BBS9: variants seen among roughly 807,000 people sequenced by gnomAD.
BBS9 encodes the protein protein PTHB1.
A neutral mutation model predicts 117.7 loss-of-function variants in BBS9; 89 were observed. The ratio of observed to expected loss-of-function variants is 0.76; its 90% CI spans 0.64 to 0.90. The LOEUF is 0.90. Among genes scored for constraint, BBS9 ranks in the 40% least tolerant of loss-of-function variants. The pLI is 0.00. For missense variants in BBS9, 982 were observed against 1,042.2 expected (o/e 0.94, Z 0.80); for synonymous variants, 379 against 370.9 (o/e 1.02, Z -0.25).
chr7:33,597,344 G>A (rs1344541354), intron 21 of BBS9, among the ~76,000 whole-genome samples: 1 of 152,074 alleles, frequency 6.6e-6, no homozygotes. Context: ...TTAATTCTTA[G>A]TGGCAATTCA....
chr7:33,385,050 C>A (rs916844582), intron 18 of BBS9, among the ~76,000 whole-genome samples: 1 of 152,054 alleles, frequency 6.6e-6, no homozygotes, highest in African/African-American at 2.4e-5. Context: ...GAAATTCTTG[C>A]TTCGCTGTTG....
At chr7:33,203,352 G>A (rs1450101835) in intron 5 of BBS9, among the ~76,000 whole-genome samples, 1 of 152,118 alleles carries the variant, frequency 6.6e-6, no homozygotes, top group Non-Finnish European at 1.5e-5. Context: ...AGTAGGAGTG[G>A]CATGAGGCCC....
intron 20 of BBS9, among the ~76,000 whole-genome samples, chr7:33,515,024 G>A (rs531406954): frequency 3.9e-4 from 59 of 152,212 alleles, no homozygotes; most frequent in African/African-American, 1.3e-3. Flanking sequence ...TGCCTGGCAT[G>A]TGACAGGCAT....
At chr7:33,368,743 A>G (rs557053534) in intron 17 of BBS9, among the ~76,000 whole-genome samples, 2 of 152,214 alleles carry the variant, frequency 1.3e-5, no homozygotes, top group African/African-American at 4.8e-5. Flanking sequence ...TTTTCTAATA[A>G]TAAGAGTACA....
chr7:33,162,738 A>G (rs909694239), intron 4 of BBS9, among the ~76,000 whole-genome samples: 12 of 152,106 alleles, frequency 7.9e-5, no homozygotes, highest in African/African-American at 2.7e-4. Flanking sequence ...GGCTGAGACG[A>G]TGGGGTTTTC....
intron 5 of BBS9, among the ~76,000 whole-genome samples, chr7:33,243,647 CTT>C (rs1583841615): frequency 6.6e-6 from 1 of 152,100 alleles, no homozygotes; most frequent in African/African-American, 2.4e-5. Flanking sequence ...AAGAGAAAAA[CTT>C]TTTGTGTTTG....
chr7:33,354,285 CA>C (rs1361218554), intron 15 of BBS9, among the ~76,000 whole-genome samples: 1 of 152,138 alleles, frequency 6.6e-6, no homozygotes, highest in African/African-American at 2.4e-5. Flanking sequence ...CTTCATATTT[CA>C]AAGACTGATC....
chr7:33,591,205 A>G (rs537028545), intron 21 of BBS9, among the ~76,000 whole-genome samples: 2 of 152,128 alleles, frequency 1.3e-5, no homozygotes, highest in East Asian at 1.9e-4. Context: ...TTTTAAGTCA[A>G]CAAGTAAATA....
At chr7:33,267,824 TC>T (rs1350014956) in intron 7 of BBS9, among the ~76,000 whole-genome samples, 2 of 152,218 alleles carry the variant, frequency 1.3e-5, no homozygotes, top group African/African-American at 4.8e-5. Context: ...TTTGTATAAT[TC>T]CATCTTTCCA....
chr7:33,579,290 G>T (rs747020758), intron 21 of BBS9, among the ~76,000 whole-genome samples: 5 of 152,114 alleles, frequency 3.3e-5, no homozygotes, highest in African/African-American at 7.2e-5. Context: ...CAGTACAGAA[G>T]ACCCTATTCT....
At chr7:33,179,934 T>C (rs1797862536) in intron 5 of BBS9, among the ~76,000 whole-genome samples, 1 of 152,198 alleles carries the variant, frequency 6.6e-6, no homozygotes, top group South Asian at 2.1e-4. Context: ...TGTCCTTCAT[T>C]TTAAAGCTTA....
intron 19 of BBS9, among the ~76,000 whole-genome samples, chr7:33,420,661 C>G (rs1264609735): frequency 1.3e-5 from 2 of 151,906 alleles, no homozygotes; most frequent in Non-Finnish European, 2.9e-5. Flanking sequence ...GCTTTTTTTT[C>G]TTGGAAAAGA....
At chr7:33,353,008 G>T in intron 15 of BBS9, 135 bp downstream of exon 15, 2 of 883,658 alleles carry the variant, frequency 2.3e-6, no homozygotes, top group South Asian at 3.1e-5. Flanking sequence ...GGATGATACA[G>T]TGCCTTGATT....
At chr7:33,545,109 A>G (rs1407252543) in intron 21 of BBS9, among the ~76,000 whole-genome samples, 1 of 152,086 alleles carries the variant, frequency 6.6e-6, no homozygotes, top group African/African-American at 2.4e-5. Flanking sequence ...AATTTGCCTG[A>G]GACTATCCAC....
chr7:33,344,772 G>C (rs984187898), intron 12 of BBS9, 138 bp downstream of exon 12: 2 of 871,952 alleles, frequency 2.3e-6, no homozygotes, highest in African/African-American at 3.3e-5. Context: ...CCCCAGCCTT[G>C]AGTAGTGAAT....
chr7:33,487,942 C>T lies in BBS9; in HGVS notation c.2116-17521C>T, dbSNP rs1419900. Among the ~76,000 whole-genome samples, 4 of 152,112 alleles carry T rather than the reference C, an allele frequency of 2.6e-5. No individual in the cohort carries two copies. In the South Asian group the frequency reaches 6.2e-4, roughly 24 times the overall value. On this transcript the variant is annotated intron_variant, in intron 19 of 22. Transcript: ENST00000242067. ...CACAGGGAAAATAATTATCAATATC[C>T]GAGGTGTGATAGGCTATAAATTGTA...
In BBS9 at chr7:33,252,816, T is replaced by C. The variant is rs535177707; in HGVS notation, c.443-4420T>C. On this transcript the variant is annotated intron_variant, in intron 5 of 22. Transcript: ENST00000242067. ...ATATTTCATATCTTAATAGAAAATA[T>C]ATCGACATTTGTATTTACATACAAA... is the stretch of plus-strand genomic sequence containing the variant. Among the ~76,000 whole-genome samples, 7 of 152,040 alleles carry C rather than the reference T, an allele frequency of 4.6e-5. No homozygotes were observed. In the East Asian group the frequency reaches 1.3e-3, roughly 29 times the overall value.
chr7:33,334,396 C>G (rs1308802679), intron 9 of BBS9, among the ~76,000 whole-genome samples: 3 of 152,082 alleles, frequency 2.0e-5, no homozygotes, highest in Admixed American at 6.6e-5. Flanking sequence ...CTGAGAAGCC[C>G]CCCCCAGAGG....
At chr7:33,438,936 G>T (rs1403776296) in intron 19 of BBS9, among the ~76,000 whole-genome samples, 1 of 152,168 alleles carries the variant, frequency 6.6e-6, no homozygotes, top group Non-Finnish European at 1.5e-5. Context: ...TACAACCTTA[G>T]TTTATCATAA....
Sources: gnomAD v4.1 joint callset for allele counts (sites outside exome capture counted in the v4.1 genomes callset) on GRCh38, gnomAD v4.1.1 for gene constraint, MANE v1.5 for transcripts, NCBI Gene and HGNC (gene_info 2026-07-23, HGNC 2026-07-21) for gene names.